The following RFX2 variants were observed in gnomAD, a reference collection of about 807,000 sequenced individuals.
The protein encoded by RFX2 is DNA-binding protein RFX2.
Under a neutral mutation model 87.8 loss-of-function variants are expected in RFX2, and 20 were observed. That is an observed-to-expected ratio of 0.23 (90% CI 0.16 to 0.33). The LOEUF is 0.33. RFX2 is among the 10% of genes least tolerant of loss of function. RFX2 has a pLI of 1.00. For synonymous variants in RFX2, 397 were observed against 431.3 expected (o/e 0.92, Z 0.98); for missense variants, 767 against 1,012.3 (o/e 0.76, Z 3.29).
At chr19:6,006,964 C>G (rs1333557514) in intron 12 of RFX2, 48 bp downstream of exon 12, 2 of 1,596,958 alleles carry the variant, frequency 1.3e-6, no homozygotes, top group South Asian at 2.2e-5. Context: ...ACAGAGGAGG[C>G]AGGAAGAGAG....
At position 6,050,018 on chromosome 19, in the gene RFX2, A is replaced by T. The variant is rs1043551600; in HGVS notation, c.-8-2514T>A. On this transcript the variant is annotated intron_variant, in intron 1 of 17. Transcript: ENST00000303657. The surrounding 1 kb of genome is among the most constrained non-coding windows in gnomAD (Gnocchi z 4.6). ...GGGGTGTGGAGATTCTGGAAGAGAGAGAGCCACAGAAGGGGTGAGCCCTCA... is the reference window on the plus strand; with the variant it reads ...GGGGTGTGGAGATTCTGGAAGAGAGTGAGCCACAGAAGGGGTGAGCCCTCA... Among the ~76,000 whole-genome samples the T allele has an allele frequency of 3.9e-5, 6 of 152,370 alleles. No homozygotes were observed. Among genetic ancestry groups the T allele is most frequent in the African/African-American group, 1.2e-4 (5 of 41,586 alleles).
intron 9 of RFX2, among the ~76,000 whole-genome samples, chr19:6,008,835 G>T (rs752591330): frequency 6.6e-6 from 1 of 151,952 alleles, no homozygotes; most frequent in African/African-American, 2.4e-5. Flanking sequence ...GTGCCACCAC[G>T]CCTGGCTAAG....
At chr19:6,029,648 T>C (rs2086931869) in intron 5 of RFX2, among the ~76,000 whole-genome samples, 1 of 152,090 alleles carries the variant, frequency 6.6e-6, no homozygotes. Flanking sequence ...GCGGGGTTTG[T>C]AGTGAACTGA....
rs1184141957 is a variant in RFX2 at position 6,074,186 on chromosome 19, G to A, written c.-8-26682C>T. ...CCAGGTGGGCAAACAGAGAGCCGGG[G>A]TTTTGTAGCAGGGGTGGGGGTGCGG... On this transcript the variant is annotated intron_variant, in intron 1 of 17. Coordinates refer to ENST00000303657, the MANE Select transcript of RFX2 (RefSeq NM_000635.4). The surrounding 1 kb of genome is among the most constrained non-coding windows in gnomAD (Gnocchi z 5.2). 6.6e-6 allele frequency among the ~76,000 whole-genome samples: 1 copy of A among 152,218 alleles called. No homozygotes were observed. The highest frequency in any genetic ancestry group is 1.5e-5 in the Non-Finnish European group (1 of 68,032).
chr19:6,046,914 C>T (rs1028946128), intron 2 of RFX2, among the ~76,000 whole-genome samples: 9 of 151,320 alleles, frequency 5.9e-5, no homozygotes, highest in African/African-American at 2.2e-4. Context: ...CAGGTGCAGC[C>T]CACCACGCTT....
rs2087472453 is a variant in RFX2 at position 6,063,776 on chromosome 19, G to A, written c.-8-16272C>T. ...GTGGGGCCGTCCTGGGCACCGCAGG[G>A]TGCTGGGCAGCATCCCTGGCCTCCA... On this transcript the variant is annotated intron_variant, in intron 1 of 17. Coordinates refer to ENST00000303657, the MANE Select transcript of RFX2 (RefSeq NM_000635.4). This position sits in a 1 kb window ranked among gnomAD's most constrained non-coding sequence, Gnocchi z 4.0. 6.6e-6 allele frequency among the ~76,000 whole-genome samples: 1 copy of A among 152,148 alleles called. No individual in the cohort carries two copies. Among genetic ancestry groups the A allele is most frequent in the African/African-American group, 2.4e-5 (1 of 41,428 alleles).
rs771840991 is a variant in RFX2 at position 6,002,712 on chromosome 19, G to A, written c.1650+9C>T. ...GCCCGGGCCCTGGGGACGGTGTGGA[G>A]GAAGTCACCTGCACGTTGGCAAAGT... On this transcript the variant is annotated intron_variant, in intron 14 of 17. Transcript: ENST00000303657. This position sits in a 1 kb window ranked among gnomAD's most constrained non-coding sequence, Gnocchi z 6.7. 1.9e-6 allele frequency: 3 copies of A among 1,613,036 alleles called. No homozygotes were observed. In the Admixed American group the frequency reaches 5.0e-5, roughly 27 times the overall value.
intron 1 of RFX2, among the ~76,000 whole-genome samples, chr19:6,067,452 T>A (rs555369048): frequency 2.0e-5 from 3 of 152,230 alleles, no homozygotes; most frequent in Non-Finnish European, 4.4e-5. Flanking sequence ...AGAGGAAGAC[T>A]TTTCTAAGAG....
In RFX2 at chr19:6,087,020, T is replaced by G. The variant is rs560628731; in HGVS notation, c.-9+23373A>C. ...TTTTTTTTTTTAATCTTTTAAAACT[T>G]AAATTCACAAATTTGAGGACTCCAA... On this transcript the variant is annotated intron_variant, in intron 1 of 17. Transcript: ENST00000303657. Among the ~76,000 whole-genome samples, 6 of 152,250 alleles carry G rather than the reference T, an allele frequency of 3.9e-5. No individual in the cohort carries two copies. The South Asian group carries it at 1.2e-3, about 32-fold the overall frequency.
At chr19:6,042,227 T>G in intron 3 of RFX2, 104 bp from the exon 4 acceptor site, 1 of 995,852 alleles carries the variant, frequency 1.0e-6, no homozygotes. Context: ...GAACATTTAG[T>G]ACCAAATGAC....
At chr19:6,108,881 C>G (rs1003431222) in intron 1 of RFX2, among the ~76,000 whole-genome samples, 1 of 152,038 alleles carries the variant, frequency 6.6e-6, no homozygotes, top group African/African-American at 2.4e-5. Context: ...CCACTAGGAT[C>G]GGGAAATCCA....
chr19:6,088,091 G>A (rs1282593920), intron 1 of RFX2, among the ~76,000 whole-genome samples: 1 of 152,006 alleles, frequency 6.6e-6, no homozygotes, highest in Non-Finnish European at 1.5e-5. Context: ...CAAAGAGGAA[G>A]CAATGACCCC....
intron 5 of RFX2, among the ~76,000 whole-genome samples, chr19:6,032,159 G>T (rs994340272): frequency 4.6e-5 from 7 of 151,926 alleles, no homozygotes; most frequent in Admixed American, 2.0e-4. Context: ...GTCTTGCTTT[G>T]TCGCCATACT....
chr19:6,069,759 G>A (rs1330522542), intron 1 of RFX2, among the ~76,000 whole-genome samples: 3 of 152,222 alleles, frequency 2.0e-5, no homozygotes, highest in Non-Finnish European at 4.4e-5. Flanking sequence ...ACAGAGGTTG[G>A]AGCAGGTTCA....
In RFX2 at chr19:6,079,561, T is replaced by C. The variant is rs533558886; in HGVS notation, c.-9+30832A>G. Among the ~76,000 whole-genome samples the C allele has an allele frequency of 9.9e-5, 15 of 152,250 alleles. No individual in the cohort carries two copies. In the South Asian group the frequency reaches 2.5e-3, roughly 25 times the overall value. On this transcript the variant is annotated intron_variant, in intron 1 of 17. Transcript: ENST00000303657. ...GACTACAGAGAGAGGTTGGACTTGC[T>C]CTCCATCCTGTTTGAGATGGAGGTT...
At position 6,056,251 on chromosome 19, in the gene RFX2, A is replaced by G. The variant is rs1430240311; in HGVS notation, c.-8-8747T>C. ...GGACGGAGAGTGGGTACAGGTATCC[A>G]GGTGTTATAAGAATGGCAGGACCCT... On this transcript the variant is annotated intron_variant, in intron 1 of 17. Transcript: ENST00000303657. This position sits in a 1 kb window ranked among gnomAD's most constrained non-coding sequence, Gnocchi z 4.6. 1.3e-5 allele frequency among the ~76,000 whole-genome samples: 2 copies of G among 152,222 alleles called. No homozygotes were observed. The highest frequency in any genetic ancestry group is 2.9e-5 in the Non-Finnish European group (2 of 68,040).
intron 1 of RFX2, among the ~76,000 whole-genome samples, chr19:6,065,060 A>T (rs957036207): frequency 6.6e-6 from 1 of 152,218 alleles, no homozygotes; most frequent in African/African-American, 2.4e-5. Flanking sequence ...TTTAAAAAAA[A>T]TTTTAAATGA....
Position 6,096,653 on chromosome 19 carries a change from A to G in RFX2, c.-9+13740T>C, listed in dbSNP as rs550207967. Among the ~76,000 whole-genome samples, 9 of 152,252 alleles carry G rather than the reference A, an allele frequency of 5.9e-5. No homozygotes were observed. The East Asian group carries it at 1.5e-3, about 26-fold the overall frequency. On this transcript the variant is annotated intron_variant, in intron 1 of 17. Coordinates refer to ENST00000303657, the MANE Select transcript of RFX2 (RefSeq NM_000635.4). ...AGTAGAGACGGGGTTTCACCATGTTAGCCAGGATGGTCTCGATCTCCTGAC... is the reference window on the plus strand; with the variant it reads ...AGTAGAGACGGGGTTTCACCATGTTGGCCAGGATGGTCTCGATCTCCTGAC...
At chr19:6,055,973 T>C (rs1319330304) in intron 1 of RFX2, among the ~76,000 whole-genome samples, 1 of 150,166 alleles carries the variant, frequency 6.7e-6, no homozygotes, top group African/African-American at 2.5e-5. Flanking sequence ...AGTAGATGAG[T>C]AGAGTGGATT....
Sources: allele counts gnomAD v4.1 joint callset (sites outside exome capture counted in the v4.1 genomes callset), GRCh38; gene constraint gnomAD v4.1.1; non-coding constraint Gnocchi (gnomAD v3.1); transcripts MANE v1.5; gene names NCBI Gene and HGNC (gene_info 2026-07-23, HGNC 2026-07-21).